The following PTPRD variants were observed in gnomAD, a reference collection of about 807,000 sequenced individuals.
PTPRD encodes receptor-type tyrosine-protein phosphatase delta.
A neutral mutation model predicts 214.5 loss-of-function variants in PTPRD; 34 were observed. The observed-to-expected ratio is 0.16, with a 90% CI of 0.12 to 0.21. PTPRD has a LOEUF of 0.21. PTPRD is among the 10% of genes least tolerant of loss of function. PTPRD has a pLI of 1.00. For synonymous variants in PTPRD, 1,128 were observed against 845.7 expected (o/e 1.33, Z -5.79); for missense variants, 2,545 against 2,398.7 (o/e 1.06, Z -1.27).
chr9:10,080,798 A>G (rs2098224164), intron 3 of PTPRD, among the ~76,000 whole-genome samples: 1 of 152,142 alleles, frequency 6.6e-6, no homozygotes, highest in Non-Finnish European at 1.5e-5. Flanking sequence ...GACCATTAAA[A>G]AGCTACCATT....
chr9:10,416,764 G>A (rs1023292548), intron 2 of PTPRD, among the ~76,000 whole-genome samples: 1 of 151,820 alleles, frequency 6.6e-6, no homozygotes, highest in Non-Finnish European at 1.5e-5. Context: ...ATATTTATAA[G>A]TTTGGGGGAC....
At chr9:9,163,843 C>A (rs974967103) in intron 10 of PTPRD, among the ~76,000 whole-genome samples, 1 of 152,136 alleles carries the variant, frequency 6.6e-6, no homozygotes, top group Admixed American at 6.6e-5. Flanking sequence ...TTGCTCTTGT[C>A]CACATCTAAG....
intron 8 of PTPRD, among the ~76,000 whole-genome samples, chr9:9,467,400 C>T (rs773360750): frequency 4.0e-5 from 6 of 150,620 alleles, no homozygotes; most frequent in Non-Finnish European, 8.9e-5. Context: ...CCACCCTGGT[C>T]AACATAGTGA....
intron 9 of PTPRD, among the ~76,000 whole-genome samples, chr9:9,184,941 T>G (rs1197214383): frequency 6.6e-6 from 1 of 152,094 alleles, no homozygotes; most frequent in East Asian, 1.9e-4. Context: ...GGTAAATACC[T>G]AAAGGTAAAA....
intron 5 of PTPRD, among the ~76,000 whole-genome samples, chr9:9,870,875 G>A (rs374503484): frequency 3.7e-4 from 57 of 152,134 alleles, no homozygotes; most frequent in African/African-American, 1.2e-3. Flanking sequence ...AGGGATAAGG[G>A]ATATATACGT....
At chr9:10,070,902 A>T (rs1480175718) in intron 3 of PTPRD, among the ~76,000 whole-genome samples, 1 of 152,026 alleles carries the variant, frequency 6.6e-6, no homozygotes, top group Non-Finnish European at 1.5e-5. Flanking sequence ...AAAAATCCCT[A>T]GAATGAGCAA....
intron 2 of PTPRD, among the ~76,000 whole-genome samples, chr9:10,533,867 G>T (rs1036423095): frequency 6.6e-6 from 1 of 151,440 alleles, no homozygotes; most frequent in African/African-American, 2.4e-5. Flanking sequence ...TATTTTATAA[G>T]CATTTCAGAG....
At chr9:9,615,226 A>G (rs2094785612) in intron 7 of PTPRD, among the ~76,000 whole-genome samples, 1 of 152,084 alleles carries the variant, frequency 6.6e-6, no homozygotes, top group African/African-American at 2.4e-5. Context: ...GAGGCTCACA[A>G]CACCAAGTAG....
At chr9:9,654,481 C>G (rs1489427622) in intron 7 of PTPRD, among the ~76,000 whole-genome samples, 1 of 152,040 alleles carries the variant, frequency 6.6e-6, no homozygotes, top group South Asian at 2.1e-4. Flanking sequence ...CACAACCATT[C>G]ATAATAATGC....
At chr9:9,418,608 G>C (rs1263603188) in intron 8 of PTPRD, among the ~76,000 whole-genome samples, 1 of 151,960 alleles carries the variant, frequency 6.6e-6, no homozygotes, top group Non-Finnish European at 1.5e-5. Context: ...ACCTGCCTCA[G>C]CAAGATGTTG....
intron 11 of PTPRD, among the ~76,000 whole-genome samples, chr9:9,013,467 A>C (rs770285148): frequency 6.6e-6 from 1 of 152,186 alleles, no homozygotes; most frequent in African/African-American, 2.4e-5. Flanking sequence ...GTAACAGTCC[A>C]TGTTTAACAA....
At chr9:9,744,342 G>A (rs1004270499) in intron 6 of PTPRD, among the ~76,000 whole-genome samples, 4 of 151,842 alleles carry the variant, frequency 2.6e-5, no homozygotes, top group African/African-American at 9.7e-5. Flanking sequence ...AAAAACAAAT[G>A]GGTTTTATAA....
At chr9:8,557,455 T>TATATATATATATATAC in intron 14 of PTPRD, among the ~76,000 whole-genome samples, 66 of 135,622 alleles carry the variant, frequency 4.9e-4, no homozygotes, top group African/African-American at 1.5e-3. Context: ...TATATATATA[T>TATATATATATATATAC]ATTTGGGCCG....
At chr9:8,601,363 C>G (rs559200423) in intron 14 of PTPRD, among the ~76,000 whole-genome samples, 2 of 152,298 alleles carry the variant, frequency 1.3e-5, no homozygotes, top group East Asian at 3.9e-4. Flanking sequence ...CACCTGCAGA[C>G]TGTAGAGCCC....
chr9:9,842,189 T>TTTCAA (rs2058489573), intron 5 of PTPRD, among the ~76,000 whole-genome samples: 3 of 151,946 alleles, frequency 2.0e-5, no homozygotes, highest in Non-Finnish European at 4.4e-5. Context: ...TTACAAGGCT[T>TTTCAA]TTCAAGTCTG....
chr9:8,858,154 T>G (rs2097988867), intron 11 of PTPRD: 1 of 159,834 alleles, frequency 6.3e-6, no homozygotes. Flanking sequence ...CGCTCGCGGC[T>G]GGGGGGTCCG....
chr9:9,547,383 G>C (rs2079050832), intron 8 of PTPRD, among the ~76,000 whole-genome samples: 1 of 151,774 alleles, frequency 6.6e-6, no homozygotes, highest in Non-Finnish European at 1.5e-5. Context: ...TTTTATTTAG[G>C]TTGCCATTCA....
intron 2 of PTPRD, among the ~76,000 whole-genome samples, chr9:10,500,809 T>C (rs1290239935): frequency 1.3e-5 from 2 of 152,006 alleles, no homozygotes; most frequent in Non-Finnish European, 2.9e-5. Context: ...AGTGTGTCTT[T>C]TTGTGCATAG....
intron 3 of PTPRD, among the ~76,000 whole-genome samples, chr9:10,065,246 T>C (rs2097856865): frequency 6.6e-6 from 1 of 150,612 alleles, no homozygotes; most frequent in African/African-American, 2.4e-5. Flanking sequence ...CATGTATTTA[T>C]TGCCTGAGAA....
Sources: gnomAD v4.1 joint callset for allele counts (sites outside exome capture counted in the v4.1 genomes callset) on GRCh38, gnomAD v4.1.1 for gene constraint, MANE v1.5 for transcripts, NCBI Gene and HGNC (gene_info 2026-07-23, HGNC 2026-07-21) for gene names.